Variants in ASH1L observed in about 807,000 individuals in gnomAD.
ASH1L encodes the protein ASH1 like histone lysine methyltransferase, also known as histone-lysine N-methyltransferase ASH1L.
In ASH1L, 23 loss-of-function variants were observed where a neutral mutation model predicts 269.0. That is an observed-to-expected ratio of 0.09 (90% CI 0.06 to 0.12). The LOEUF is 0.12. Ranked by LOEUF, ASH1L falls within the 10% of genes least tolerant of loss-of-function variation. The pLI is 1.00. For synonymous variants in ASH1L, 1,187 were observed against 1,253.5 expected, an observed-to-expected ratio of 0.95 and a Z score of 1.12; for missense variants, 2,912 against 3,567.8, an observed-to-expected ratio of 0.82 and a Z score of 4.68.
At chr1:155,425,031 G>A (rs1020520091) in intron 5 of ASH1L, among the ~76,000 whole-genome samples, 2 of 151,832 alleles carry the variant, frequency 1.3e-5, no homozygotes, top group African/African-American at 2.4e-5. Flanking sequence ...GTGCATTGGA[G>A]CAACATCAGC....
At chr1:155,543,683 G>T (rs1184213583) in intron 1 of ASH1L, among the ~76,000 whole-genome samples, 2 of 152,006 alleles carry the variant, frequency 1.3e-5, no homozygotes, top group Non-Finnish European at 2.9e-5. Flanking sequence ...TATAATCCCA[G>T]CACTCTGGGA....
intron 4 of ASH1L, among the ~76,000 whole-genome samples, chr1:155,445,416 C>T (rs564882188): frequency 6.6e-6 from 1 of 152,044 alleles, no homozygotes; most frequent in South Asian, 2.1e-4. Context: ...AACTCCTGAC[C>T]TCAGGTGATC....
chr1:155,405,063 T>A (rs1659158992), intron 6 of ASH1L, among the ~76,000 whole-genome samples: 1 of 150,498 alleles, frequency 6.6e-6, no homozygotes, highest in Non-Finnish European at 1.5e-5. Context: ...AATAAAAAAA[T>A]AAAAATAAAA....
At chr1:155,497,486 C>T (rs10908468) in intron 2 of ASH1L, among the ~76,000 whole-genome samples, 137,118 of 152,270 alleles carry the variant, frequency 0.9, 62,233 homozygotes, top group East Asian at 1. Flanking sequence ...TTCAACTTAA[C>T]GAACAGTGTA....
chr1:155,424,967 C>A (rs2148575229), intron 5 of ASH1L, among the ~76,000 whole-genome samples: 1 of 151,412 alleles, frequency 6.6e-6, no homozygotes, highest in Non-Finnish European at 1.5e-5. Context: ...CCTCACCTGG[C>A]TAGTTTTTGT....
chr1:155,381,492 G>A (rs1403547458), intron 7 of ASH1L, among the ~76,000 whole-genome samples: 1 of 151,908 alleles, frequency 6.6e-6, no homozygotes, highest in Non-Finnish European at 1.5e-5. Context: ...AGAGGTTGCA[G>A]TGAGCCAAGA....
At chr1:155,350,297 C>G (rs959097435) in intron 17 of ASH1L, among the ~76,000 whole-genome samples, 1 of 152,162 alleles carries the variant, frequency 6.6e-6, no homozygotes, top group African/African-American at 2.4e-5. Context: ...GCTGGGATTA[C>G]AGGCATGAGC....
intron 1 of ASH1L, among the ~76,000 whole-genome samples, chr1:155,529,265 CCA>C (rs753652126): frequency 9.2e-5 from 14 of 152,046 alleles, no homozygotes; most frequent in Non-Finnish European, 7.4e-5. Context: ...TGAGGGATGA[CCA>C]CAGTCTTCCA....
chr1:155,370,808 G>C lies in ASH1L; in HGVS notation c.6508C>G (p.Leu2170Val). ...LKAGQFIIEY[L>V]GEVVSEQEFR... ...TCCTGTTCACTGACGACCTCCCCTAGGTATTCAATGATGAACTGCCCAGCT... is the reference window on the plus strand; with the variant it reads ...TCCTGTTCACTGACGACCTCCCCTACGTATTCAATGATGAACTGCCCAGCT... The change falls in exon 11 of 28, where the codon CTA becomes GTA. Residue 2170 changes from leucine (L) to valine (V), a missense_variant. Around this residue, in one of 13 missense-constraint regions of ASH1L, gnomAD observed 193 missense variants for 311.6 expected, o/e 0.62. Transcript: ENST00000392403. 1 of 1,614,108 alleles carries C rather than the reference G, an allele frequency of 6.2e-7. No individual in the cohort carries two copies.
At chr1:155,545,246 A>G (rs1273845331) in intron 1 of ASH1L, among the ~76,000 whole-genome samples, 79 of 151,278 alleles carry the variant, frequency 5.2e-4, no homozygotes, top group Non-Finnish European at 2.9e-5. Context: ...AATTCAAAAT[A>G]GCAAGTAATA....
At chr1:155,489,925 G>T (rs1031249299) in intron 2 of ASH1L, among the ~76,000 whole-genome samples, 11 of 151,896 alleles carry the variant, frequency 7.2e-5, no homozygotes, top group African/African-American at 2.4e-4. Flanking sequence ...AAAGTACAAA[G>T]CTGAAGGGCA....
At chr1:155,520,693 T>C (rs925845922) in intron 2 of ASH1L, among the ~76,000 whole-genome samples, 4 of 151,746 alleles carry the variant, frequency 2.6e-5, no homozygotes, top group African/African-American at 7.3e-5. Context: ...TGAAACCCCG[T>C]CTCTACTAAA....
intron 10 of ASH1L, among the ~76,000 whole-genome samples, chr1:155,374,272 C>A (rs1656236740): frequency 6.6e-6 from 1 of 151,966 alleles, no homozygotes; most frequent in Admixed American, 6.6e-5. Flanking sequence ...CTGCAGTGAG[C>A]CGAGATGGTG....
At chr1:155,505,236 C>A (rs886645159) in intron 2 of ASH1L, among the ~76,000 whole-genome samples, 2 of 152,182 alleles carry the variant, frequency 1.3e-5, no homozygotes, top group Non-Finnish European at 2.9e-5. Flanking sequence ...TTATTATTTA[C>A]TTTGTCCCAA....
Position 155,438,759 on chromosome 1 carries a change from A to G in ASH1L, c.5396T>C (p.Val1799Ala), listed in dbSNP as rs747145638. Residue 1799 changes from valine (V) to alanine (A), a missense_variant, in exon 5 of 28, where the codon GTA becomes GCA. Coordinates refer to ENST00000392403, the MANE Select transcript of ASH1L (RefSeq NM_018489.3). ...SCSPHHIKRS[V>A]VEAMQRQARK... is the part of the protein sequence containing the mutation. ...AGCTTGGCGTTGCATAGCTTCCACT[A>G]CACTTCTCTTGATATGATGGGGGGA... The G allele has an allele frequency of 1.2e-6, 2 of 1,614,182 alleles. No individual in the cohort carries two copies. The highest frequency in any genetic ancestry group is 1.7e-6 in the Non-Finnish European group (2 of 1,180,048).
chr1:155,514,288 TCAG>T (rs1475768291), intron 2 of ASH1L, among the ~76,000 whole-genome samples: 2 of 152,172 alleles, frequency 1.3e-5, no homozygotes, highest in Non-Finnish European at 2.9e-5. Context: ...TGGAAAAAGT[TCAG>T]GTTATATGCA....
At chr1:155,362,750 T>A (rs1655076075) in intron 12 of ASH1L, among the ~76,000 whole-genome samples, 1 of 152,180 alleles carries the variant, frequency 6.6e-6, no homozygotes, top group Non-Finnish European at 1.5e-5. Context: ...ATTTTATATA[T>A]GAAGTATATA....
At chr1:155,418,899 C>A (rs1465601129) in intron 5 of ASH1L, among the ~76,000 whole-genome samples, 1 of 151,786 alleles carries the variant, frequency 6.6e-6, no homozygotes, top group East Asian at 1.9e-4. Context: ...GAAACCCCGA[C>A]TCTACTAAAA....
chr1:155,380,803 ATT>A (rs34017490), intron 7 of ASH1L, among the ~76,000 whole-genome samples: 20 of 126,292 alleles, frequency 1.6e-4, no homozygotes, highest in African/African-American at 1.2e-4. Context: ...GCTAATTTGT[ATT>A]TTTTTTTTTT....
Sources: gnomAD v4.1 joint callset for allele counts (sites outside exome capture counted in the v4.1 genomes callset) on GRCh38, gnomAD v4.1.1 for gene constraint, gnomAD v4.1.1 regional missense constraint, MANE v1.5 for transcripts, NCBI Gene and HGNC (gene_info 2026-07-23, HGNC 2026-07-21) for gene names.